Variants in BICRAL observed in about 807,000 individuals in gnomAD.
BICRAL encodes BRD4-interacting chromatin-remodeling complex-associated protein-like.
BICRAL carries 8 observed loss-of-function variants against 91.8 expected under a neutral mutation model. That is an observed-to-expected ratio of 0.09 (90% CI 0.05 to 0.16). The LOEUF (loss-of-function observed/expected upper bound fraction) is 0.16, where lower values mean the gene tolerates loss of function less well. BICRAL is among the 10% of genes least tolerant of loss of function. BICRAL has a pLI of 1.00. For missense variants in BICRAL, 1,038 were observed against 1,310.9 expected, an observed-to-expected ratio of 0.79 and a Z score of 3.21; for synonymous variants, 445 against 491.1, an observed-to-expected ratio of 0.91 and a Z score of 1.24.
At chr6:42,834,504 T>G (rs552521308) in intron 6 of BICRAL, among the ~76,000 whole-genome samples, 2 of 152,234 alleles carry the variant, frequency 1.3e-5, no homozygotes, top group Non-Finnish European at 2.9e-5. Flanking sequence ...AGAGACTTTC[T>G]AATTCCTTCA....
chr6:42,837,965 G>A (rs1042510825), intron 6 of BICRAL, among the ~76,000 whole-genome samples: 4 of 152,114 alleles, frequency 2.6e-5, no homozygotes, highest in East Asian at 1.9e-4. Context: ...ATACATTGAC[G>A]TGGTATCACC....
chr6:42,769,367 G>A (rs1485718227), intron 1 of BICRAL, among the ~76,000 whole-genome samples: 1 of 152,190 alleles, frequency 6.6e-6, no homozygotes, highest in Non-Finnish European at 1.5e-5. Context: ...CTCCCAGAGT[G>A]AGCGATCCAG....
At position 42,865,759 on chromosome 6, in the gene BICRAL, CTG is replaced by C; in HGVS notation, c.*315_*316del. 1 of 273,806 alleles carries C rather than the reference CTG, an allele frequency of 3.7e-6. No homozygotes were observed. Among genetic ancestry groups the C allele is most frequent in the Admixed American group, 4.9e-5 (1 of 20,530 alleles). 17.0% of individuals were successfully genotyped at this position (273,806 alleles called of 1,614,324 possible). ...TTATTTGTTTTGTTTTTTAAAAACACTGTAACTCAATGAGACCACAGTATACT... is the reference window on the plus strand; with the variant it reads ...TTATTTGTTTTGTTTTTTAAAAACACTAACTCAATGAGACCACAGTATACT... On this transcript the variant is annotated 3_prime_UTR_variant, in exon 13 of 13. Coordinates refer to ENST00000314073, the MANE Select transcript of BICRAL (RefSeq NM_001393499.1).
intron 2 of BICRAL, among the ~76,000 whole-genome samples, chr6:42,814,714 A>G (rs1228232827): frequency 1.3e-5 from 2 of 150,988 alleles, no homozygotes; most frequent in Admixed American, 1.3e-4. Flanking sequence ...TTAGTAGAAC[A>G]GGGTTTCACC....
chr6:42,782,603 A>G (rs1582812716), intron 1 of BICRAL, among the ~76,000 whole-genome samples: 1 of 74,696 alleles, frequency 1.3e-5, no homozygotes, highest in Non-Finnish European at 2.7e-5. Context: ...TGGAGCGGGG[A>G]GAGGGAGAGC....
chr6:42,862,674 C>A (rs2114046583), intron 12 of BICRAL, 62 bp downstream of exon 12: 1 of 963,236 alleles, frequency 1.0e-6, no homozygotes, highest in East Asian at 2.4e-5. Context: ...ACCATGGGGC[C>A]TTTGGCAGTC....
upstream of BICRAL, among the ~76,000 whole-genome samples, chr6:42,779,752 C>T (rs1055250127): frequency 2.6e-5 from 4 of 152,110 alleles, no homozygotes; most frequent in Non-Finnish European, 5.9e-5. Context: ...TCTGTAGTAG[C>T]TGGGACTACA....
intron 2 of BICRAL, among the ~76,000 whole-genome samples, chr6:42,811,211 C>T (rs1763833683): frequency 6.6e-6 from 1 of 152,176 alleles, no homozygotes; most frequent in Non-Finnish European, 1.5e-5. Flanking sequence ...GAGATGAGCC[C>T]TGTAACCAAC....
chr6:42,748,047 G>T (rs867917834), intron 1 of BICRAL, among the ~76,000 whole-genome samples: 20 of 150,190 alleles, frequency 1.3e-4, no homozygotes, highest in Middle Eastern at 7.0e-3. Flanking sequence ...CAGGTGATGC[G>T]CCCGCCTCGG....
At chr6:42,753,828 T>C (rs965229908) in intron 1 of BICRAL, among the ~76,000 whole-genome samples, 3 of 152,122 alleles carry the variant, frequency 2.0e-5, no homozygotes, top group African/African-American at 7.2e-5. Flanking sequence ...GCCAGGCTGG[T>C]CTTGAACTCC....
In BICRAL at chr6:42,784,133, T is replaced by C. The variant is rs1053236869; in HGVS notation, c.-102+2032T>C. Among the ~76,000 whole-genome samples the C allele has an allele frequency of 4.6e-5, 7 of 152,326 alleles. No individual in the cohort carries two copies. The East Asian group carries it at 1.3e-3, about 29-fold the overall frequency. The stretch of plus-strand genomic sequence containing the variant: ...ATGGGTTCCAGTTTTTTGAAACTTT[T>C]TTTGTTGGCTTTCATATTACTTCAA... On this transcript the variant is annotated intron_variant, in intron 1 of 12. Coordinates refer to ENST00000314073, the MANE Select transcript of BICRAL (RefSeq NM_001393499.1).
chr6:42,766,044 G>A (rs909151710), intron 1 of BICRAL, among the ~76,000 whole-genome samples: 3 of 152,082 alleles, frequency 2.0e-5, no homozygotes, highest in Non-Finnish European at 4.4e-5. Flanking sequence ...GGTAGAGACA[G>A]GATTTTGCCC....
At chr6:42,804,786 C>T (rs1562470217) in intron 1 of BICRAL, among the ~76,000 whole-genome samples, 2 of 152,130 alleles carry the variant, frequency 1.3e-5, no homozygotes, top group African/African-American at 2.4e-5. Context: ...CTAAAAGTTG[C>T]CTGCCTTCGG....
At chr6:42,761,623 C>T (rs554011599) in intron 1 of BICRAL, among the ~76,000 whole-genome samples, 13 of 151,932 alleles carry the variant, frequency 8.6e-5, no homozygotes, top group South Asian at 2.1e-4. Context: ...ATATTTACTT[C>T]TTGGCTGGGC....
chr6:42,822,123 GACA>G, intron 3 of BICRAL, 60 bp downstream of exon 3: 1 of 1,032,860 alleles, frequency 9.7e-7, no homozygotes, highest in Non-Finnish European at 1.5e-6. Context: ...TGAACACTAA[GACA>G]ACCTAATAGC....
At chr6:42,853,253 A>G (rs1402220727) in intron 7 of BICRAL, among the ~76,000 whole-genome samples, 1 of 151,214 alleles carries the variant, frequency 6.6e-6, no homozygotes, top group African/African-American at 2.4e-5. Flanking sequence ...AAAAAAGGCA[A>G]GAAAGAGAAA....
intron 9 of BICRAL, among the ~76,000 whole-genome samples, chr6:42,856,818 T>C (rs1765373958): frequency 6.6e-6 from 1 of 152,084 alleles, no homozygotes. Flanking sequence ...ATGAACTTAG[T>C]TGGCCAATGG....
At chr6:42,793,105 G>A (rs1763321296) in intron 1 of BICRAL, among the ~76,000 whole-genome samples, 1 of 128,222 alleles carries the variant, frequency 7.8e-6, no homozygotes, top group Non-Finnish European at 1.6e-5. Flanking sequence ...ACAAGCGCAT[G>A]CCACCATGCC....
At chr6:42,746,447 C>G (rs1434142027), upstream of BICRAL, among the ~76,000 whole-genome samples, 1 of 150,708 alleles carries the variant, frequency 6.6e-6, no homozygotes, top group East Asian at 1.9e-4. Flanking sequence ...CTCCCCCCAG[C>G]TCCTCCCTAC....
Sources: allele counts gnomAD v4.1 joint callset (sites outside exome capture counted in the v4.1 genomes callset), GRCh38; gene constraint gnomAD v4.1.1; transcripts MANE v1.5; gene names NCBI Gene and HGNC (gene_info 2026-07-23, HGNC 2026-07-21).